SLC26A5: variants seen among roughly 807,000 people sequenced by gnomAD.
SLC26A5 encodes solute carrier family 26 member 5.
A neutral mutation model predicts 81.0 loss-of-function variants in SLC26A5; 51 were observed. The ratio of observed to expected loss-of-function variants is 0.63; its 90% CI spans 0.50 to 0.80. The LOEUF (loss-of-function observed/expected upper bound fraction) is 0.80, where lower values mean the gene tolerates loss of function less well. SLC26A5 is among the 30% of genes least tolerant of loss of function. The pLI is 0.00. For synonymous variants in SLC26A5, 325 were observed against 332.8 expected (o/e 0.98, Z 0.25); for missense variants, 771 against 905.8 (o/e 0.85, Z 1.91).
intron 2 of SLC26A5, among the ~76,000 whole-genome samples, chr7:103,438,185 T>A (rs9918642): frequency 0.017 from 2,561 of 151,902 alleles, 62 homozygotes; most frequent in African/African-American, 0.058. Flanking sequence ...CTGTATATTT[T>A]AAAAAAAACT....
At chr7:103,394,530 A>G (rs1822932156) in intron 9 of SLC26A5, among the ~76,000 whole-genome samples, 1 of 152,244 alleles carries the variant, frequency 6.6e-6, no homozygotes, top group African/African-American at 2.4e-5. Context: ...GTAAACAAAC[A>G]AACAAGAAAA....
intron 14 of SLC26A5, among the ~76,000 whole-genome samples, chr7:103,386,284 C>G (rs1822187144): frequency 1.3e-5 from 2 of 151,742 alleles, no homozygotes; most frequent in Non-Finnish European, 2.9e-5. Context: ...TTTATGATAA[C>G]CGGCCGGGCA....
chr7:103,378,916 T>C (rs886683995), intron 16 of SLC26A5, among the ~76,000 whole-genome samples: 1 of 152,142 alleles, frequency 6.6e-6, no homozygotes, highest in African/African-American at 2.4e-5. Context: ...CAAAGGAATC[T>C]ACATGATCCC....
chr7:103,356,959 A>G (rs888932640), intron 19 of SLC26A5, among the ~76,000 whole-genome samples: 4 of 152,076 alleles, frequency 2.6e-5, no homozygotes, highest in South Asian at 4.1e-4. Flanking sequence ...CACCCTCCCT[A>G]CTTCACAATT....
chr7:103,421,970 C>T (rs12530735), intron 2 of SLC26A5, among the ~76,000 whole-genome samples: 16,984 of 152,126 alleles, frequency 0.11, 1,188 homozygotes, highest in African/African-American at 0.2. Flanking sequence ...GCTATATTAG[C>T]CTCATTTCCA....
intron 7 of SLC26A5, among the ~76,000 whole-genome samples, chr7:103,408,790 T>G (rs1324202279): frequency 6.6e-6 from 1 of 152,084 alleles, no homozygotes; most frequent in Non-Finnish European, 1.5e-5. Context: ...CAAATCCACT[T>G]AATTATATCC....
At chr7:103,362,794 C>CATT in intron 19 of SLC26A5, 1 of 839,778 alleles carries the variant, frequency 1.2e-6, no homozygotes, top group Non-Finnish European at 1.8e-6. Context: ...AAGGCTATGT[C>CATT]TTTTTTTTTT....
At chr7:103,380,716 G>A (rs1821707961) in intron 14 of SLC26A5, among the ~76,000 whole-genome samples, 167 bp from the exon 15 acceptor site, 1 of 151,626 alleles carries the variant, frequency 6.6e-6, no homozygotes, top group Non-Finnish European at 1.5e-5. Context: ...CGTTCCCAGT[G>A]CCATTCCAAG....
chr7:103,354,073 C>G, intron 19 of SLC26A5: 1 of 760,608 alleles, frequency 1.3e-6, no homozygotes, highest in South Asian at 2.2e-5. Flanking sequence ...ATTAAAAAAC[C>G]AAACAAAAAA....
intron 4 of SLC26A5, among the ~76,000 whole-genome samples, chr7:103,417,204 T>C (rs1287064391): frequency 6.6e-6 from 1 of 151,874 alleles, no homozygotes; most frequent in Non-Finnish European, 1.5e-5. Flanking sequence ...ACCCTGTCTC[T>C]ACTGAAAATA....
At chr7:103,383,208 C>T (rs1178886404) in intron 14 of SLC26A5, among the ~76,000 whole-genome samples, 1 of 152,200 alleles carries the variant, frequency 6.6e-6, no homozygotes, top group African/African-American at 2.4e-5. Context: ...CTCTAAGAGA[C>T]TCAAAGTGCT....
intron 6 of SLC26A5, 110 bp downstream of exon 6, chr7:103,411,310 T>A: frequency 7.6e-7 from 1 of 1,310,690 alleles, no homozygotes; most frequent in Non-Finnish European, 1.1e-6. Flanking sequence ...AGCTCTGGGG[T>A]TTTTCTGGCT....
rs532423092 is a variant in SLC26A5, at chr7:103,430,577, C to T, written c.-53-9010G>A. Among the ~76,000 whole-genome samples, 6 of 151,014 alleles carry T rather than the reference C, an allele frequency of 4.0e-5. No individual in the cohort carries two copies. The South Asian group carries it at 1.3e-3, about 32-fold the overall frequency. On this transcript the variant is annotated intron_variant, in intron 2 of 19. Coordinates refer to ENST00000306312, the MANE Select transcript of SLC26A5 (RefSeq NM_198999.3). ...AGTAGGGTGACCAAGGTCCTGGCTT[C>T]TGCCTGCTGTTCCAGAGAGGATGGC...
rs763954137 is a variant in SLC26A5 at position 103,410,567 on chromosome 7, C to A, written c.571-18G>T. ...AGGCAAAACTATTTTTTTTTAATGA[C>A]AAAGAAACAAATGAATCACATGATA... On this transcript the variant is annotated intron_variant, in intron 6 of 19. Coordinates refer to ENST00000306312, the MANE Select transcript of SLC26A5 (RefSeq NM_198999.3). 81 of 1,591,152 alleles carry A rather than the reference C, an allele frequency of 5.1e-5. No homozygotes were observed. The Middle Eastern group carries it at 1.8e-3, about 36-fold the overall frequency.
rs373962704 is a variant in SLC26A5 at position 103,387,643 on chromosome 7, G to A, written c.1514+1365C>T. 3.5e-4 allele frequency among the ~76,000 whole-genome samples: 53 copies of A among 152,278 alleles called. 1 individual carries two copies. Among genetic ancestry groups the A allele is most frequent in the African/African-American group, 1.2e-3 (51 of 41,568 alleles). On this transcript the variant is annotated intron_variant, in intron 14 of 19. Coordinates refer to ENST00000306312, the MANE Select transcript of SLC26A5 (RefSeq NM_198999.3). The stretch of plus-strand genomic sequence containing the variant: ...AATCACAGAGCTTACAGAAGGTGCC[G>A]CCAGGACCTGACTAAAGTCCAGGCT...
At chr7:103,353,361 C>T (rs757134970) in intron 19 of SLC26A5, among the ~76,000 whole-genome samples, 3 of 152,084 alleles carry the variant, frequency 2.0e-5, no homozygotes, top group African/African-American at 7.2e-5. Context: ...GGCTGGAGTG[C>T]GGTGATGTGA....
intron 19 of SLC26A5, among the ~76,000 whole-genome samples, chr7:103,361,263 C>T (rs914827708): frequency 6.6e-6 from 1 of 151,364 alleles, no homozygotes; most frequent in Admixed American, 6.6e-5. Context: ...GCGGGCGGAT[C>T]ACCTGAGGTT....
At chr7:103,371,191 TAAAAC>T (rs768383181), downstream of SLC26A5, among the ~76,000 whole-genome samples, 10 of 152,210 alleles carry the variant, frequency 6.6e-5, no homozygotes, top group South Asian at 2.1e-4. Context: ...AGCAAAGTGA[TAAAAC>T]AAAAATATAT....
At chr7:103,437,025 C>T (rs1826500120) in intron 2 of SLC26A5, among the ~76,000 whole-genome samples, 1 of 152,128 alleles carries the variant, frequency 6.6e-6, no homozygotes, top group South Asian at 2.1e-4. Flanking sequence ...TAAGTATTTG[C>T]AAACCACACA....
Sources: gnomAD v4.1 joint callset for allele counts (sites outside exome capture counted in the v4.1 genomes callset) on GRCh38, gnomAD v4.1.1 for gene constraint, MANE v1.5 for transcripts, NCBI Gene and HGNC (gene_info 2026-07-23, HGNC 2026-07-21) for gene names.